The following DLGAP1 variants were observed in gnomAD, a reference collection of about 807,000 sequenced individuals.
DLGAP1 encodes DLG associated protein 1.
In DLGAP1, 11 loss-of-function variants were observed where a neutral mutation model predicts 90.8. The ratio of observed to expected loss-of-function variants is 0.12; its 90% CI spans 0.08 to 0.20. The LOEUF is 0.20. DLGAP1 is among the 10% of genes least tolerant of loss of function. The probability of loss-of-function intolerance (pLI) is 1.00; values close to 1 mark genes in which losing one functional copy is unlikely to be tolerated. For synonymous variants in DLGAP1, 558 were observed against 540.7 expected (o/e 1.03, Z -0.44); for missense variants, 1,050 against 1,333.8 (o/e 0.79, Z 3.31).
intron 7 of DLGAP1, among the ~76,000 whole-genome samples, chr18:3,714,012 T>C (rs921580657): frequency 4.6e-5 from 7 of 152,324 alleles, no homozygotes; most frequent in Non-Finnish European, 1.0e-4. Flanking sequence ...GAAGCCGACT[T>C]GATCAACCAA....
intron 1 of DLGAP1, among the ~76,000 whole-genome samples, chr18:4,389,388 T>C (rs1390446360): frequency 6.6e-6 from 1 of 152,168 alleles, no homozygotes; most frequent in Non-Finnish European, 1.5e-5. Context: ...AGTTCTTTAA[T>C]GGGCATAGAG....
intron 4 of DLGAP1, among the ~76,000 whole-genome samples, chr18:3,818,017 C>T (rs996033514): frequency 5.9e-5 from 9 of 151,946 alleles, no homozygotes; most frequent in African/African-American, 1.9e-4. Context: ...CTTGTGTGCA[C>T]CAGCTTAGGA....
At chr18:3,836,149 G>A (rs1248310845) in intron 4 of DLGAP1, among the ~76,000 whole-genome samples, 1 of 152,146 alleles carries the variant, frequency 6.6e-6, no homozygotes, top group East Asian at 1.9e-4. Flanking sequence ...GTATACAGGA[G>A]AACGATAGTC....
rs1425495897 is a variant in DLGAP1 at position 3,983,201 on chromosome 18, T to A, written c.-73+21915A>T. ...TTCATTAATTTAGTATTTGTAAGAA[T>A]GTAAGGGTTATCCATCAGGAAAAAG... On this transcript the variant is annotated intron_variant, in intron 3 of 12. Coordinates refer to ENST00000315677, the MANE Select transcript of DLGAP1 (RefSeq NM_004746.4). 5.3e-5 allele frequency: 8 copies of A among 152,278 alleles called. No individual in the cohort carries two copies. The East Asian group carries it at 1.5e-3, about 29-fold the overall frequency. The allele number at this position is 152,278 out of a possible 1,614,324, so 9.4% of individuals were successfully genotyped here.
chr18:4,104,972 C>A (rs1650093081), intron 2 of DLGAP1, among the ~76,000 whole-genome samples: 3 of 152,154 alleles, frequency 2.0e-5, no homozygotes, highest in Non-Finnish European at 4.4e-5. Context: ...AGTGCCTGAA[C>A]CACATTTACT....
At chr18:3,580,133 A>G in intron 8 of DLGAP1, 1 of 1,114,878 alleles carries the variant, frequency 9.0e-7, no homozygotes, top group Non-Finnish European at 1.4e-6. Context: ...AACAAAAATA[A>G]TAGCTGCTAA....
chr18:4,146,287 A>G (rs1264133906), intron 2 of DLGAP1, among the ~76,000 whole-genome samples: 34 of 152,162 alleles, frequency 2.2e-4, no homozygotes, highest in Admixed American at 2.2e-3. Context: ...TGAAGATACT[A>G]AAGTACATAG....
chr18:3,768,452 T>A (rs1177067765), intron 5 of DLGAP1, among the ~76,000 whole-genome samples: 11 of 152,158 alleles, frequency 7.2e-5, no homozygotes, highest in Admixed American at 3.3e-4. Flanking sequence ...CAAGATTTTT[T>A]AAAAATTTGT....
chr18:3,660,185 AG>A lies in DLGAP1; in HGVS notation c.1591+68949del, dbSNP rs1375775773. On this transcript the variant is annotated intron_variant, in intron 7 of 12. Coordinates refer to ENST00000315677, the MANE Select transcript of DLGAP1 (RefSeq NM_004746.4). This position sits in a 1 kb window ranked among gnomAD's most constrained non-coding sequence, Gnocchi z 4.2. ...GTTTACTTAATTTTTATTTTTTAAA[AG>A]GATTGGGGGTGGGGGTCTCACTTTG... 1.3e-5 allele frequency among the ~76,000 whole-genome samples: 2 copies of A among 152,154 alleles called. No individual in the cohort carries two copies. Among genetic ancestry groups the A allele is most frequent in the Non-Finnish European group, 2.9e-5 (2 of 68,032 alleles).
intron 2 of DLGAP1, among the ~76,000 whole-genome samples, chr18:4,057,071 G>A (rs530177546): frequency 2.2e-5 from 3 of 134,556 alleles, no homozygotes; most frequent in African/African-American, 2.8e-5. Flanking sequence ...ATTACAGCAG[G>A]TAGTTAGACA....
intron 1 of DLGAP1, among the ~76,000 whole-genome samples, chr18:4,306,516 G>A (rs1207517977): frequency 1.3e-5 from 2 of 151,654 alleles, no homozygotes; most frequent in Non-Finnish European, 2.9e-5. Flanking sequence ...AGGGAAAGGG[G>A]AAGGAGTGGG....
intron 1 of DLGAP1, among the ~76,000 whole-genome samples, chr18:4,353,858 G>A (rs1255472740): frequency 6.6e-6 from 1 of 151,942 alleles, no homozygotes; most frequent in Non-Finnish European, 1.5e-5. Flanking sequence ...AATCACTGTC[G>A]CTCTGAAAAA....
At chr18:3,851,020 C>G (rs899497115) in intron 4 of DLGAP1, among the ~76,000 whole-genome samples, 4 of 152,030 alleles carry the variant, frequency 2.6e-5, no homozygotes, top group Non-Finnish European at 5.9e-5. Flanking sequence ...AAAGAAACAC[C>G]CACAAATTAC....
At chr18:4,090,446 C>T (rs1006285121) in intron 2 of DLGAP1, among the ~76,000 whole-genome samples, 29 of 152,200 alleles carry the variant, frequency 1.9e-4, no homozygotes, top group African/African-American at 6.8e-4. Flanking sequence ...CATGTACAGA[C>T]ACTTCTTCAA....
At chr18:4,424,834 C>T (rs938343915) in intron 1 of DLGAP1, among the ~76,000 whole-genome samples, 2 of 152,068 alleles carry the variant, frequency 1.3e-5, no homozygotes, top group South Asian at 4.2e-4. Flanking sequence ...TAAATTTGCA[C>T]CTTATTCTTC....
chr18:3,543,588 A>G (rs1483872021), intron 9 of DLGAP1, among the ~76,000 whole-genome samples: 1 of 152,228 alleles, frequency 6.6e-6, no homozygotes, highest in Non-Finnish European at 1.5e-5. Context: ...ACTTCTGTGC[A>G]TGGCAATGAT....
chr18:4,444,224 A>ATT lies in DLGAP1; in HGVS notation c.-267+10780_-267+10781dup, dbSNP rs34005135. On this transcript the variant is annotated intron_variant, in intron 1 of 12. Transcript: ENST00000315677. ...GACTGCTTTTCAGTGTTGCCTCTTCATTTTTTTCCCCATATCCCATCTCAC... is the reference window on the plus strand; with the variant it reads ...GACTGCTTTTCAGTGTTGCCTCTTCATTTTTTTTTCCCCATATCCCATCTCAC... 2.6e-5 allele frequency among the ~76,000 whole-genome samples: 4 copies of ATT among 151,870 alleles called. No homozygotes were observed. In the East Asian group the frequency reaches 5.8e-4, roughly 22 times the overall value.
intron 3 of DLGAP1, among the ~76,000 whole-genome samples, chr18:3,907,014 A>C (rs1221243075): frequency 1.3e-5 from 2 of 152,260 alleles, no homozygotes; most frequent in African/African-American, 4.8e-5. Flanking sequence ...TGTTGTATTA[A>C]GTATTAAAAG....
chr18:4,204,877 A>AT (rs66487258), intron 1 of DLGAP1, among the ~76,000 whole-genome samples: 174 of 147,122 alleles, frequency 1.2e-3, no homozygotes, highest in East Asian at 1.8e-3. Context: ...CCTTTTCCCA[A>AT]TTTTTTTTTT....
Sources: gnomAD v4.1 joint callset for allele counts (sites outside exome capture counted in the v4.1 genomes callset) on GRCh38, gnomAD v4.1.1 for gene constraint, Gnocchi (gnomAD v3.1) non-coding constraint, MANE v1.5 for transcripts, NCBI Gene and HGNC (gene_info 2026-07-23, HGNC 2026-07-21) for gene names.